PALM2AKAP2: variants seen among roughly 807,000 people sequenced by gnomAD.
PALM2AKAP2 encodes the protein PALM2-AKAP2 fusion protein.
Under a neutral mutation model 71.5 loss-of-function variants are expected in PALM2AKAP2, and 37 were observed. The ratio of observed to expected loss-of-function variants is 0.52; its 90% CI spans 0.40 to 0.68. PALM2AKAP2 has a LOEUF of 0.68. PALM2AKAP2 is among the 30% of genes least tolerant of loss of function. The probability of loss-of-function intolerance (pLI) is 0.00; values close to 1 mark genes in which losing one functional copy is unlikely to be tolerated. For synonymous variants in PALM2AKAP2, 468 were observed against 478.8 expected, an observed-to-expected ratio of 0.98 and a Z score of 0.29; for missense variants, 1,224 against 1,191.8, an observed-to-expected ratio of 1.03 and a Z score of -0.40.
intron 1 of PALM2AKAP2, among the ~76,000 whole-genome samples, chr9:109,813,930 T>G (rs913598008): frequency 3.3e-5 from 5 of 152,248 alleles, no homozygotes; most frequent in Admixed American, 1.3e-4. Flanking sequence ...TCATCCTTCT[T>G]GCTGGTTCCC....
intron 3 of PALM2AKAP2, among the ~76,000 whole-genome samples, chr9:110,159,362 A>G (rs1836539787): frequency 6.6e-6 from 1 of 152,028 alleles, no homozygotes; most frequent in Admixed American, 6.6e-5. Flanking sequence ...TGGCACCTCC[A>G]TTTGCCAATA....
chr9:109,876,103 T>C (rs1829715403), intron 2 of PALM2AKAP2, among the ~76,000 whole-genome samples: 1 of 152,208 alleles, frequency 6.6e-6, no homozygotes. Context: ...TTTTGATGTA[T>C]GTTATTTAGA....
exon 2 of PALM2AKAP2, chr9:110,137,089 A>ACAGCAG (rs749737390): frequency 1.9e-6 from 3 of 1,584,282 alleles, no homozygotes; most frequent in East Asian, 2.3e-5. Context: ...AGAAGCAGTT[A>ACAGCAG]CAGCAGCAGC....
intron 1 of PALM2AKAP2, among the ~76,000 whole-genome samples, chr9:110,050,222 C>T (rs1354404733): frequency 6.6e-6 from 1 of 152,188 alleles, no homozygotes; most frequent in East Asian, 1.9e-4. Context: ...TGAACAAGCC[C>T]ATGTCTCCCG....
intron 6 of PALM2AKAP2, among the ~76,000 whole-genome samples, chr9:109,953,004 A>G (rs992772146): frequency 1.3e-5 from 2 of 152,240 alleles, no homozygotes; most frequent in African/African-American, 4.8e-5. Flanking sequence ...CTGTCCAAAT[A>G]TAGAGATTAT....
chr9:110,019,793 G>A lies in PALM2AKAP2; in HGVS notation c.582+3754G>A, dbSNP rs144500429. 5.3e-5 allele frequency among the ~76,000 whole-genome samples: 8 copies of A among 152,218 alleles called. No individual in the cohort carries two copies. The East Asian group carries it at 1.5e-3, about 29-fold the overall frequency. On this transcript the variant is annotated intron_variant, in intron 7 of 9. Transcript: ENST00000302798. ...TAGAGACTGGGGACTCTAAAAGAAG[G>A]GGCAATAGAGAAAGGAGAAAGGGTT...
rs1185965530 is a variant in PALM2AKAP2 at position 109,691,833 on chromosome 9, G to GATATAT, written c.5+50997_5+51002dup. Among the ~76,000 whole-genome samples the GATATAT allele has an allele frequency of 8.7e-3, 311 of 35,880 alleles. 6 individuals are homozygous for GATATAT. The highest frequency in any genetic ancestry group is 0.032 in the South Asian group (35 of 1,086). 23.5% of individuals were successfully genotyped at this position (35,880 alleles called of 152,430 possible). On this transcript the variant is annotated intron_variant, in intron 1 of 6. Transcript: ENST00000374531. Reference sequence around the variant, plus strand: ...TATCAATTTTCCAATCCAGAAAGACGATATATATATATATATATATATATA... The same window carrying GATATAT: ...TATCAATTTTCCAATCCAGAAAGACGATATATATATATATATATATATATATATATA...
chr9:109,800,072 G>T (rs1827379413), intron 1 of PALM2AKAP2, among the ~76,000 whole-genome samples: 1 of 152,182 alleles, frequency 6.6e-6, no homozygotes, highest in Non-Finnish European at 1.5e-5. Flanking sequence ...TGTGCTGTTG[G>T]TGGAGAGATT....
intron 1 of PALM2AKAP2, among the ~76,000 whole-genome samples, chr9:109,691,196 C>CACACACACACACAA (rs1345666371): frequency 1.3e-5 from 2 of 151,910 alleles, no homozygotes; most frequent in African/African-American, 4.8e-5. Flanking sequence ...CACACACACA[C>CACACACACACACAA]ACACACACAT....
At chr9:110,005,482 C>G (rs915022457) in intron 6 of PALM2AKAP2, among the ~76,000 whole-genome samples, 1 of 152,226 alleles carries the variant, frequency 6.6e-6, no homozygotes, top group Non-Finnish European at 1.5e-5. Context: ...CAGGGACCCA[C>G]TTGAGGAGGC....
intron 6 of PALM2AKAP2, among the ~76,000 whole-genome samples, chr9:110,008,935 C>T (rs1461324773): frequency 1.3e-5 from 2 of 151,618 alleles, no homozygotes; most frequent in Admixed American, 6.6e-5. Context: ...ATGGCCAGAA[C>T]TGGTCACATG....
At chr9:109,844,164 T>G (rs1456281573) in intron 1 of PALM2AKAP2, among the ~76,000 whole-genome samples, 2 of 152,230 alleles carry the variant, frequency 1.3e-5, no homozygotes, top group Admixed American at 6.5e-5. Context: ...TCTGGAATTA[T>G]TTAATTTTCA....
chr9:109,921,312 T>C (rs949468902), intron 3 of PALM2AKAP2, among the ~76,000 whole-genome samples: 1 of 152,206 alleles, frequency 6.6e-6, no homozygotes, highest in Non-Finnish European at 1.5e-5. Context: ...TAATGTATGT[T>C]ACTATTTGGG....
At chr9:109,678,513 G>A (rs10512399) in intron 1 of PALM2AKAP2, among the ~76,000 whole-genome samples, 12,556 of 152,172 alleles carry the variant, frequency 0.083, 583 homozygotes, top group African/African-American at 0.096. Flanking sequence ...TTATATTCAA[G>A]GTGAGCGAAG....
intron 1 of PALM2AKAP2, among the ~76,000 whole-genome samples, chr9:109,849,721 A>C (rs1587958033): frequency 6.6e-6 from 1 of 152,116 alleles, no homozygotes; most frequent in Non-Finnish European, 1.5e-5. Context: ...GTGCCATTGC[A>C]CTCCAGCCTG....
At chr9:109,867,621 CA>C in intron 2 of PALM2AKAP2, 50 bp downstream of exon 2, 1 of 1,576,982 alleles carries the variant, frequency 6.3e-7, no homozygotes, top group East Asian at 2.3e-5. Flanking sequence ...ATGCAGATCA[CA>C]CTCCGGAGAG....
intron 1 of PALM2AKAP2, among the ~76,000 whole-genome samples, chr9:109,819,005 C>T (rs1022821446): frequency 6.6e-6 from 1 of 152,108 alleles, no homozygotes; most frequent in African/African-American, 2.4e-5. Flanking sequence ...GGCATCTTTC[C>T]ATTGGAAAAA....
upstream of PALM2AKAP2, among the ~76,000 whole-genome samples, chr9:110,045,962 T>C (rs1833589308): frequency 6.6e-6 from 1 of 152,202 alleles, no homozygotes; most frequent in Non-Finnish European, 1.5e-5. Flanking sequence ...ATTACTGACA[T>C]TTAGGGCTCA....
intron 1 of PALM2AKAP2, among the ~76,000 whole-genome samples, chr9:110,075,020 G>A (rs78113199): frequency 2.7e-5 from 4 of 149,828 alleles, no homozygotes; most frequent in Admixed American, 2.0e-4. Flanking sequence ...AAAAGAAAAA[G>A]AAAAAGAAAA....
Sources: gnomAD v4.1 joint callset for allele counts (sites outside exome capture counted in the v4.1 genomes callset) on GRCh38, gnomAD v4.1.1 for gene constraint, MANE v1.5 for transcripts, NCBI Gene and HGNC (gene_info 2026-07-23, HGNC 2026-07-21) for gene names.